BMPR1B: variants seen among roughly 807,000 people sequenced by gnomAD.
BMPR1B encodes the protein bone morphogenetic protein receptor type-1B.
Under a neutral mutation model 59.1 loss-of-function variants are expected in BMPR1B, and 12 were observed. The ratio of observed to expected loss-of-function variants is 0.20; its 90% CI spans 0.13 to 0.33. BMPR1B has a LOEUF of 0.33. Ranked by LOEUF, BMPR1B falls within the 10% of genes least tolerant of loss-of-function variation. The pLI, the probability that BMPR1B is intolerant of heterozygous loss-of-function variation, is 1.00. For missense variants in BMPR1B, 550 were observed against 610.9 expected (o/e 0.90, Z 1.05); for synonymous variants, 237 against 207.3 (o/e 1.14, Z -1.23).
At chr4:95,018,540 G>A (rs1368418707) in intron 3 of BMPR1B, among the ~76,000 whole-genome samples, 1 of 152,108 alleles carries the variant, frequency 6.6e-6, no homozygotes, top group African/African-American at 2.4e-5. Context: ...CCACAGATCT[G>A]TAATTTATAA....
intron 1 of BMPR1B, among the ~76,000 whole-genome samples, chr4:94,864,523 A>G (rs974971673): frequency 6.6e-6 from 1 of 152,162 alleles, no homozygotes; most frequent in African/African-American, 2.4e-5. Flanking sequence ...TGCTGTTTCT[A>G]AGCTGTATAG....
At chr4:95,029,219 G>A (rs1020978280) in intron 3 of BMPR1B, among the ~76,000 whole-genome samples, 8 of 151,562 alleles carry the variant, frequency 5.3e-5, no homozygotes, top group South Asian at 2.1e-4. Context: ...TTAGCATTAG[G>A]TATATCTCCT....
chr4:94,982,304 T>A lies in BMPR1B; in HGVS notation c.-112-13736T>A, dbSNP rs533057605. Among the ~76,000 whole-genome samples the A allele has an allele frequency of 5.5e-4, 83 of 151,240 alleles. 2 individuals are homozygous for A. Among genetic ancestry groups the A allele is most frequent in the Middle Eastern group, 6.8e-3 (2 of 294 alleles). Reference sequence around the variant, plus strand: ...TATCCAAAGGTGTATTGCCTTTTTTTAAAAAAAAACAAAACAAACAAACCA... The same window carrying A: ...TATCCAAAGGTGTATTGCCTTTTTTAAAAAAAAAACAAAACAAACAAACCA... On this transcript the variant is annotated intron_variant, in intron 2 of 12. Coordinates refer to ENST00000515059, the MANE Select transcript of BMPR1B (RefSeq NM_001203.3).
Position 94,937,141 on chromosome 4 carries a change from A to G in BMPR1B, c.-112-58899A>G, listed in dbSNP as rs1729340737. 2.0e-5 allele frequency among the ~76,000 whole-genome samples: 3 copies of G among 152,054 alleles called. No individual in the cohort carries two copies. The South Asian group carries it at 6.2e-4, about 32-fold the overall frequency. On this transcript the variant is annotated intron_variant, in intron 2 of 12. Transcript: ENST00000515059. ...TGCATTTTTTATAGTCCCTCATTGTACTGGCCTGCTCACTCATTCATCATT... is the reference window on the plus strand; with the variant it reads ...TGCATTTTTTATAGTCCCTCATTGTGCTGGCCTGCTCACTCATTCATCATT...
intron 2 of BMPR1B, among the ~76,000 whole-genome samples, chr4:94,995,569 T>C (rs374999237): frequency 2.0e-5 from 3 of 152,322 alleles, no homozygotes; most frequent in South Asian, 4.1e-4. Flanking sequence ...ATTGTGTTGT[T>C]TGGCCGAAAC....
intron 1 of BMPR1B, among the ~76,000 whole-genome samples, chr4:94,868,810 G>A (rs17022395): frequency 0.038 from 5,768 of 152,230 alleles, 355 homozygotes; most frequent in African/African-American, 0.13. Flanking sequence ...TGTTTACCTA[G>A]TCACTTTAAA....
At chr4:94,829,327 CT>C (rs35278466) in intron 1 of BMPR1B, among the ~76,000 whole-genome samples, 155 of 136,866 alleles carry the variant, frequency 1.1e-3, no homozygotes, top group Middle Eastern at 3.8e-3. Flanking sequence ...TTTTATTTTC[CT>C]TTTTTTTTTT....
intron 1 of BMPR1B, among the ~76,000 whole-genome samples, chr4:94,844,278 CT>C (rs1725230157): frequency 1.0e-4 from 15 of 150,478 alleles, no homozygotes; most frequent in Admixed American, 7.3e-4. Flanking sequence ...TTCGACTCTT[CT>C]TCCTCTGTGG....
At position 95,036,576 on chromosome 4, in the gene BMPR1B, A is replaced by G. The variant is rs1725257489; in HGVS notation, c.-18+40442A>G. Among the ~76,000 whole-genome samples, 2 of 152,080 alleles carry G rather than the reference A, an allele frequency of 1.3e-5. 1 individual carries two copies. Among genetic ancestry groups the G allele is most frequent in the South Asian group, 4.1e-4 (2 of 4,826 alleles). On this transcript the variant is annotated intron_variant, in intron 3 of 12. Coordinates refer to ENST00000515059, the MANE Select transcript of BMPR1B (RefSeq NM_001203.3). ...CTTTTTCATGGCTGAATAGTATTCTACTGTGTGTATGTACCATATTTTCTT... is the reference window on the plus strand; with the variant it reads ...CTTTTTCATGGCTGAATAGTATTCTGCTGTGTGTATGTACCATATTTTCTT...
chr4:95,005,701 C>T (rs1722772108), intron 3 of BMPR1B, among the ~76,000 whole-genome samples: 1 of 152,036 alleles, frequency 6.6e-6, no homozygotes, highest in Admixed American at 6.5e-5. Flanking sequence ...TCTGTTATAC[C>T]AAGTTGTTAA....
At chr4:95,129,397 T>C (rs1347665735) in intron 8 of BMPR1B, among the ~76,000 whole-genome samples, 1 of 151,268 alleles carries the variant, frequency 6.6e-6, no homozygotes, top group African/African-American at 2.4e-5. Context: ...CCTCCCTCCC[T>C]CCCTTTTTTC....
Position 95,154,860 on chromosome 4 carries a change from G to A in BMPR1B, c.*187G>A, listed in dbSNP as rs1360301773. The A allele has an allele frequency of 6.7e-6, 5 of 748,856 alleles. No individual in the cohort carries two copies. The East Asian group carries it at 1.4e-4, about 21-fold the overall frequency. The allele number at this position is 748,856 out of a possible 1,614,324, so 46.4% of individuals were successfully genotyped here. ...AGACAGAGAAGCTCCCAGAAGGAGA[G>A]ATTGATCCATGTCTGTTTGTAGGAC... is the stretch of plus-strand genomic sequence containing the variant. On this transcript the variant is annotated 3_prime_UTR_variant, in exon 13 of 13. Coordinates refer to ENST00000515059, the MANE Select transcript of BMPR1B (RefSeq NM_001203.3).
At chr4:94,945,437 C>A (rs1475412695) in intron 2 of BMPR1B, among the ~76,000 whole-genome samples, 1 of 152,100 alleles carries the variant, frequency 6.6e-6, no homozygotes, top group Non-Finnish European at 1.5e-5. Context: ...ATATCTACTT[C>A]TTTTTTGTTG....
intron 3 of BMPR1B, among the ~76,000 whole-genome samples, chr4:95,097,514 CTA>C (rs1237417752): frequency 6.6e-6 from 1 of 151,898 alleles, no homozygotes; most frequent in African/African-American, 2.4e-5. Flanking sequence ...TAACTAGAAA[CTA>C]TTCACTATTT....
At chr4:94,837,752 C>T (rs778911035) in intron 1 of BMPR1B, among the ~76,000 whole-genome samples, 1,418 of 140,794 alleles carry the variant, frequency 0.01, 130 homozygotes, top group Middle Eastern at 0.067. Context: ...CCCTTTATTT[C>T]CTTCTCCTGC....
intron 12 of BMPR1B, among the ~76,000 whole-genome samples, chr4:95,153,716 G>A (rs541083957): frequency 6.6e-6 from 1 of 152,150 alleles, no homozygotes; most frequent in Non-Finnish European, 1.5e-5. Flanking sequence ...CTAGTGTGTT[G>A]GTGCACACCT....
At chr4:94,877,961 T>C (rs758329693) in intron 2 of BMPR1B, among the ~76,000 whole-genome samples, 3 of 151,898 alleles carry the variant, frequency 2.0e-5, no homozygotes, top group Non-Finnish European at 2.9e-5. Flanking sequence ...CATGTGTGCG[T>C]GTGTGTGTGT....
chr4:94,823,747 G>T (rs1724286336), intron 1 of BMPR1B, among the ~76,000 whole-genome samples: 2 of 47,794 alleles, frequency 4.2e-5, no homozygotes, highest in African/African-American at 1.5e-4. Flanking sequence ...GTATCCTTTT[G>T]GTTTTTTTTT....
intron 2 of BMPR1B, among the ~76,000 whole-genome samples, chr4:94,908,093 A>AAAAAAAAAAAAAAGAAAAAG: frequency 8.4e-6 from 1 of 118,712 alleles, no homozygotes; most frequent in Non-Finnish European, 1.6e-5. Flanking sequence ...AAAAAAAAGA[A>AAAAAAAAAAAAAAGAAAAAG]AAAACAAAAA....
Sources: allele counts gnomAD v4.1 joint callset (sites outside exome capture counted in the v4.1 genomes callset), GRCh38; gene constraint gnomAD v4.1.1; transcripts MANE v1.5; gene names NCBI Gene and HGNC (gene_info 2026-07-23, HGNC 2026-07-21).